EXOC5: variants seen among roughly 807,000 people sequenced by gnomAD.
EXOC5 encodes exocyst complex component 5, also known as SEC10-like 1.
EXOC5 carries 17 observed loss-of-function variants against 90.8 expected under a neutral mutation model. The ratio of observed to expected loss-of-function variants is 0.19; its 90% CI spans 0.13 to 0.28. The LOEUF (loss-of-function observed/expected upper bound fraction) is 0.28, where lower values mean the gene tolerates loss of function less well. Among genes scored for constraint, EXOC5 ranks in the 10% least tolerant of loss-of-function variants. The pLI, the probability that EXOC5 is intolerant of heterozygous loss-of-function variation, is 1.00. For synonymous variants in EXOC5, 260 were observed against 270.0 expected (o/e 0.96, Z 0.36); for missense variants, 569 against 830.6 (o/e 0.69, Z 3.87).
intron 12 of EXOC5, among the ~76,000 whole-genome samples, chr14:57,223,205 T>C (rs1883206708): frequency 6.6e-6 from 1 of 152,138 alleles, no homozygotes; most frequent in African/African-American, 2.4e-5. Context: ...GGCGCTGCTG[T>C]TGCTGTTAAA....
intron 6 of EXOC5, among the ~76,000 whole-genome samples, chr14:57,236,577 T>G (rs1883666650): frequency 6.6e-6 from 1 of 152,150 alleles, no homozygotes; most frequent in Admixed American, 6.5e-5. Context: ...CGAACCACCA[T>G]GTCCGGCCCT....
intron 1 of EXOC5, among the ~76,000 whole-genome samples, chr14:57,267,521 G>A (rs1355669584): frequency 6.6e-6 from 1 of 152,168 alleles, no homozygotes; most frequent in African/African-American, 2.4e-5. Flanking sequence ...TTATGGAGAA[G>A]TTCCCTATTG....
Position 57,259,774 on chromosome 14 carries a change from A to G in EXOC5, c.27+8848T>C, listed in dbSNP as rs536147346. On this transcript the variant is annotated intron_variant, in intron 1 of 17. Transcript: ENST00000621441. ...TTTTGTCATTTATTGATTTAGAATC[A>G]TTTTCATAAGTTTCACTCTTTTCTC... Among the ~76,000 whole-genome samples the G allele has an allele frequency of 2.6e-5, 4 of 152,306 alleles. No homozygotes were observed. The East Asian group carries it at 7.7e-4, about 29-fold the overall frequency.
At chr14:57,248,475 T>C (rs1884090765) in intron 1 of EXOC5, among the ~76,000 whole-genome samples, 1 of 151,908 alleles carries the variant, frequency 6.6e-6, no homozygotes, top group African/African-American at 2.4e-5. Flanking sequence ...GTCTAACATA[T>C]GATAGCTGAT....
chr14:57,267,667 T>C (rs1266626338), intron 1 of EXOC5, among the ~76,000 whole-genome samples: 1 of 152,232 alleles, frequency 6.6e-6, no homozygotes, highest in Non-Finnish European at 1.5e-5. Flanking sequence ...TTTATACGTG[T>C]CATTGTTTTG....
intron 1 of EXOC5, among the ~76,000 whole-genome samples, chr14:57,256,057 AAC>A (rs1439136529): frequency 1.3e-5 from 2 of 152,142 alleles, no homozygotes; most frequent in African/African-American, 4.8e-5. Context: ...CCAAAGAAGG[AAC>A]ACTTTTGCCT....
chr14:57,203,159 A>C lies in EXOC5; in HGVS notation c.*5450T>G, dbSNP rs1882553050. Reference sequence around the variant, plus strand: ...AAAACAGGGACTCACTATGTTGCCCAGAGTGGTCTTGAACTCCTAGCTTCA... The same window carrying C: ...AAAACAGGGACTCACTATGTTGCCCCGAGTGGTCTTGAACTCCTAGCTTCA... On this transcript the variant is annotated 3_prime_UTR_variant, in exon 18 of 18. Transcript: ENST00000621441. 1 of 152,238 alleles carries C rather than the reference A, an allele frequency of 6.6e-6. No individual in the cohort carries two copies. Among genetic ancestry groups the C allele is most frequent in the African/African-American group, 2.4e-5 (1 of 41,466 alleles). The allele number at this position is 152,238 out of a possible 1,614,324, so 9.4% of individuals were successfully genotyped here. A position where few individuals can be genotyped will look rare whatever the true frequency, so the allele number is the denominator to read the frequency against.
At chr14:57,244,995 C>CAAAA (rs202230061) in intron 3 of EXOC5, among the ~76,000 whole-genome samples, 1 of 79,166 alleles carries the variant, frequency 1.3e-5, no homozygotes, top group African/African-American at 3.7e-5. Context: ...AACTCTGCCT[C>CAAAA]AAAAAAAAAA....
At chr14:57,212,338 A>G (rs1476133492) in intron 15 of EXOC5, among the ~76,000 whole-genome samples, 2 of 152,230 alleles carry the variant, frequency 1.3e-5, no homozygotes, top group East Asian at 1.9e-4. Flanking sequence ...CTAGTACAAA[A>G]TGTTTGTAAA....
rs1882504475 is a variant in EXOC5 at position 57,201,502 on chromosome 14, AC to A, written c.*7106del. 1.1e-5 allele frequency: 1 copy of A among 91,652 alleles called. No homozygotes were observed. Among genetic ancestry groups the A allele is most frequent in the Non-Finnish European group, 2.0e-5 (1 of 49,784 alleles). The allele number at this position is 91,652 out of a possible 1,614,324, so 5.7% of individuals were successfully genotyped here. On this transcript the variant is annotated 3_prime_UTR_variant, in exon 18 of 18. Transcript: ENST00000621441. ...CACGTGTATAAACACACGTGTATATACACACACATATGTATATATATACACA... is the reference window on the plus strand; with the variant it reads ...CACGTGTATAAACACACGTGTATATAACACACATATGTATATATATACACA...
rs1403621770 is a variant in EXOC5 at position 57,206,643 on chromosome 14, T to C, written c.*1966A>G. ...AATGTTAACACTTTTAAATTAAGTA[T>C]TCACTTACGAATTTTGTCACTGTCC... On this transcript the variant is annotated 3_prime_UTR_variant, in exon 18 of 18. Coordinates refer to ENST00000621441, the MANE Select transcript of EXOC5 (RefSeq NM_006544.4). 6.6e-6 allele frequency: 1 copy of C among 152,456 alleles called. No homozygotes were observed. Among genetic ancestry groups the C allele is most frequent in the Non-Finnish European group, 1.5e-5 (1 of 67,910 alleles). The allele number at this position is 152,456 out of a possible 1,614,324, so 9.4% of individuals were successfully genotyped here. A position where few individuals can be genotyped will look rare whatever the true frequency, so the allele number is the denominator to read the frequency against.
At position 57,202,201 on chromosome 14, in the gene EXOC5, A is replaced by C. The variant is rs1221631769; in HGVS notation, c.*6408T>G. On this transcript the variant is annotated 3_prime_UTR_variant, in exon 18 of 18. Transcript: ENST00000621441. ...AAGTAACTACCCTATAATCTATAAA[A>C]ATGTCCAGAGTCAAAAAAGTCAAGG... 1 of 152,148 alleles carries C rather than the reference A, an allele frequency of 6.6e-6. No homozygotes were observed. The highest frequency in any genetic ancestry group is 1.5e-5 in the Non-Finnish European group (1 of 68,022). 9.4% of individuals were successfully genotyped at this position (152,148 alleles called of 1,614,324 possible).
rs1335463528 is a variant in EXOC5, at chr14:57,204,482, TA to T, written c.*4126del. 6.6e-6 allele frequency: 1 copy of T among 152,218 alleles called. No homozygotes were observed. Among genetic ancestry groups the T allele is most frequent in the Non-Finnish European group, 1.5e-5 (1 of 67,980 alleles). 9.4% of individuals were successfully genotyped at this position (152,218 alleles called of 1,614,324 possible). ...CATTTTCACTCCAGCATTAGTCATT[TA>T]AAAACTACCAATGTACTAAATAGTT... On this transcript the variant is annotated 3_prime_UTR_variant, in exon 18 of 18. Transcript: ENST00000621441.
At chr14:57,230,254 A>G (rs141822315) in intron 11 of EXOC5, among the ~76,000 whole-genome samples, 25 of 152,344 alleles carry the variant, frequency 1.6e-4, no homozygotes, top group African/African-American at 5.5e-4. Flanking sequence ...ACAATTTTAA[A>G]ATATAGTCAT....
intron 10 of EXOC5, 62 bp from the exon 11 acceptor site, chr14:57,231,777 A>G: frequency 8.8e-7 from 1 of 1,139,060 alleles, no homozygotes; most frequent in Non-Finnish European, 1.3e-6. Context: ...AACAATATTA[A>G]GGAATACAAA....
rs941927432 is a variant in EXOC5, at chr14:57,231,656, A to C, written c.998T>G (p.Phe333Cys). 2 of 1,613,244 alleles carry C rather than the reference A, an allele frequency of 1.2e-6. No individual in the cohort carries two copies. Among genetic ancestry groups the C allele is most frequent in the East Asian group, 2.2e-5 (1 of 44,832 alleles). Residue 333 changes from phenylalanine (F) to cysteine (C), a missense_variant, in exon 11 of 18, where the codon TTC becomes TGC. Physicochemically the swap from Phe to Cys is radical, Grantham distance 205 (BLOSUM62 -2). This residue lies in a region of EXOC5 where 114 missense variants were observed against 111.2 expected (regional missense o/e 1.03). Coordinates refer to ENST00000621441, the MANE Select transcript of EXOC5 (RefSeq NM_006544.4). Reference protein sequence around the residue: ...EFNLGTDKQTFLSKLIKSIFI... With the variant: ...EFNLGTDKQTCLSKLIKSIFI... ...AATGGATTTGATAAGCTTAGACAAG[A>C]AAGTCTGTTTATCAGTACCTAAATT...
chr14:57,268,827 C>T lies in EXOC5; in HGVS notation c.-179G>A. On this transcript the variant is annotated 5_prime_UTR_variant, in exon 1 of 18. Transcript: ENST00000621441. ...CGGGAGAGCGGCCATGAAGCGAAGC[C>T]GCAAACGCTTGTCAGCTGCCTCCCG... The T allele has an allele frequency of 7.2e-7, 1 of 1,383,512 alleles. No individual in the cohort carries two copies. Among genetic ancestry groups the T allele is most frequent in the Non-Finnish European group, 9.3e-7 (1 of 1,071,634 alleles). 85.7% of individuals were successfully genotyped at this position (1,383,512 alleles called of 1,614,324 possible). A position where few individuals can be genotyped will look rare whatever the true frequency, so the allele number is the denominator to read the frequency against.
chr14:57,239,883 G>C (rs1691309048), intron 4 of EXOC5, among the ~76,000 whole-genome samples: 1 of 152,048 alleles, frequency 6.6e-6, no homozygotes, highest in South Asian at 2.1e-4. Flanking sequence ...TTAGCTTTCT[G>C]GTACTGAAAT....
At chr14:57,252,894 C>A (rs1218876979) in intron 1 of EXOC5, among the ~76,000 whole-genome samples, 1 of 152,118 alleles carries the variant, frequency 6.6e-6, no homozygotes, top group Non-Finnish European at 1.5e-5. Context: ...AAGTGTCCAT[C>A]AATGGATGAA....
Sources: gnomAD v4.1 joint callset for allele counts (sites outside exome capture counted in the v4.1 genomes callset) on GRCh38, gnomAD v4.1.1 for gene constraint, gnomAD v4.1.1 regional missense constraint, MANE v1.5 for transcripts, NCBI Gene and HGNC (gene_info 2026-07-23, HGNC 2026-07-21) for gene names.